The following TTLL9 variants were observed in gnomAD, a reference collection of about 807,000 sequenced individuals.
The protein encoded by TTLL9 is tubulin tyrosine ligase like 9.
A neutral mutation model predicts 65.6 loss-of-function variants in TTLL9; 47 were observed. The ratio of observed to expected loss-of-function variants is 0.72; its 90% confidence interval spans 0.57 to 0.91. The LOEUF is 0.91. Among genes scored for constraint, TTLL9 ranks in the 40% least tolerant of loss-of-function variants. The pLI is 0.00. For synonymous variants in TTLL9, 179 were observed against 204.8 expected, an observed-to-expected ratio of 0.87 and a Z score of 1.07; for missense variants, 537 against 568.8, an observed-to-expected ratio of 0.94 and a Z score of 0.57.
chr20:31,941,679 C>A (rs2064213323), intron 14 of TTLL9, among the ~76,000 whole-genome samples: 1 of 152,150 alleles, frequency 6.6e-6, no homozygotes, highest in Non-Finnish European at 1.5e-5. Context: ...CCTCCTACCT[C>A]AGCCTCCTGA....
chr20:31,873,791 A>AG (rs1491192435), intron 2 of TTLL9, among the ~76,000 whole-genome samples: 3 of 118,078 alleles, frequency 2.5e-5, no homozygotes, highest in Non-Finnish European at 3.7e-5. Flanking sequence ...AGAAAAAGAA[A>AG]GAAAGGAAGG....
chr20:31,925,776 G>C, intron 9 of TTLL9: 1 of 1,122,308 alleles, frequency 8.9e-7, no homozygotes, highest in Non-Finnish European at 1.3e-6. Flanking sequence ...AGGGCACTCC[G>C]GGTGGAGGAA....
Position 31,893,291 on chromosome 20 carries a change from CT to C in TTLL9, c.114-5165del, listed in dbSNP as rs34875132. ...TGATGTGAAGTCAGCTGTTCTTTTT[CT>C]TTTTTTTTTTTTTTTTGAGACAGAG... On this transcript the variant is annotated intron_variant, in intron 3 of 14. Coordinates refer to ENST00000535842, the MANE Select transcript of TTLL9 (RefSeq NM_001008409.5). 5.0e-3 allele frequency among the ~76,000 whole-genome samples: 651 copies of C among 130,064 alleles called. 3 individuals carry two copies. The highest frequency in any genetic ancestry group is 0.014 in the African/African-American group (495 of 35,376). 85.3% of individuals were successfully genotyped at this position (130,064 alleles called of 152,430 possible).
At position 31,944,007 on chromosome 20, in the gene TTLL9, G is replaced by T. The variant is rs540566222; in HGVS notation, c.*986G>T. 5.7e-6 allele frequency: 2 copies of T among 350,690 alleles called. No individual in the cohort carries two copies. The highest frequency in any genetic ancestry group is 1.5e-4 in the East Asian group (2 of 13,500). The allele number at this position is 350,690 out of a possible 1,614,324, so 21.7% of individuals were successfully genotyped here. ...AGAGTAGTTTCTCTGGCTGCAAATG[G>T]TTGAATCTGCCTGCCTAGGTCAAGC... On this transcript the variant is annotated 3_prime_UTR_variant, in exon 15 of 15. Transcript: ENST00000535842.
chr20:31,914,551 T>TC (rs1235334705), intron 6 of TTLL9, among the ~76,000 whole-genome samples: 1 of 152,156 alleles, frequency 6.6e-6, no homozygotes, highest in African/African-American at 2.4e-5. Flanking sequence ...TAATCTGGGT[T>TC]CCCCAAGAAA....
intron 4 of TTLL9, among the ~76,000 whole-genome samples, chr20:31,901,834 C>T (rs910267432): frequency 8.5e-5 from 13 of 152,166 alleles, no homozygotes; most frequent in Non-Finnish European, 1.3e-4. Context: ...TACTGGATCA[C>T]GTGGCGGCTC....
chr20:31,937,464 C>T lies in TTLL9; in HGVS notation c.1073C>T (p.Thr358Ile), dbSNP rs767997531. 1.7e-5 allele frequency: 28 copies of T among 1,613,774 alleles called. No individual in the cohort carries two copies. Among genetic ancestry groups the T allele is most frequent in the East Asian group, 1.1e-4 (5 of 44,882 alleles). ...ASSQEDYELK[T>I]CLLEDTLHVV... ...AGCCAGGAAGACTATGAGCTCAAGA[C>T]CTGCCTCCTGGAAGACACCCTGCAT... is the stretch of plus-strand genomic sequence containing the variant. The change falls in exon 13 of 15, where the codon ACC (threonine) becomes ATC (isoleucine). Residue 358 changes from threonine to isoleucine, a missense_variant. Around this residue, in one of 3 missense-constraint regions of TTLL9, gnomAD observed 205 missense variants for 225.9 expected, o/e 0.91. Transcript: ENST00000535842.
intron 3 of TTLL9, among the ~76,000 whole-genome samples, chr20:31,887,870 T>TCTCTTCTCTTCTCTTCTCTTCTC: frequency 6.8e-6 from 1 of 146,990 alleles, no homozygotes; most frequent in East Asian, 2.0e-4. Context: ...TCTCTTCTCT[T>TCTCTTCTCTTCTCTTCTCTTCTC]CTCTTCTCTT....
intron 4 of TTLL9, among the ~76,000 whole-genome samples, chr20:31,904,990 G>T (rs1333048836): frequency 6.6e-6 from 1 of 152,140 alleles, no homozygotes; most frequent in East Asian, 1.9e-4. Context: ...AGAAAAGGCA[G>T]GACTGGGCAT....
intron 10 of TTLL9, among the ~76,000 whole-genome samples, chr20:31,927,817 C>T (rs932712615): frequency 2.6e-5 from 4 of 152,184 alleles, no homozygotes; most frequent in Non-Finnish European, 4.4e-5. Flanking sequence ...ATGCTTTTAG[C>T]CCATTTGCAT....
At chr20:31,908,462 C>T in intron 4 of TTLL9, 129 bp from the exon 5 acceptor site, 1 of 648,804 alleles carries the variant, frequency 1.5e-6, no homozygotes, top group Non-Finnish European at 2.8e-6. Flanking sequence ...ATGGCCACCT[C>T]CAAGAGACTC....
intron 10 of TTLL9, among the ~76,000 whole-genome samples, chr20:31,928,281 C>A (rs1393394004): frequency 1.3e-5 from 2 of 151,734 alleles, no homozygotes; most frequent in African/African-American, 4.8e-5. Context: ...ATTTTCCACC[C>A]CTTCTTTTAT....
chr20:31,911,474 T>C (rs969423691), intron 6 of TTLL9, among the ~76,000 whole-genome samples: 1 of 152,112 alleles, frequency 6.6e-6, no homozygotes, highest in Admixed American at 6.5e-5. Flanking sequence ...GAAACTGACA[T>C]GGGGCTGACA....
At chr20:31,933,368 GGTT>G (rs1187578384) in intron 10 of TTLL9, among the ~76,000 whole-genome samples, 2 of 151,730 alleles carry the variant, frequency 1.3e-5, no homozygotes, top group Non-Finnish European at 2.9e-5. Flanking sequence ...GTCCTGAGAT[GGTT>G]GTTCTGTATT....
intron 10 of TTLL9, among the ~76,000 whole-genome samples, chr20:31,930,832 T>G (rs962091189): frequency 7.9e-5 from 12 of 152,212 alleles, no homozygotes; most frequent in Admixed American, 1.3e-4. Context: ...TGACCATTGG[T>G]CCACTGAGAC....
In TTLL9 at chr20:31,893,534, G is replaced by A. The variant is rs528195968; in HGVS notation, c.114-4939G>A. Among the ~76,000 whole-genome samples the A allele has an allele frequency of 5.9e-5, 9 of 151,930 alleles. No individual in the cohort carries two copies. In the South Asian group the frequency reaches 1.0e-3, roughly 18 times the overall value. ...TTGAACTCCTGGCCTCAGGTGATCC[G>A]CTTGCCTCAGCCTCCCAAAGTTCTG... On this transcript the variant is annotated intron_variant, in intron 3 of 14. Coordinates refer to ENST00000535842, the MANE Select transcript of TTLL9 (RefSeq NM_001008409.5).
intron 6 of TTLL9, 78 bp from the exon 7 acceptor site, chr20:31,919,786 G>A: frequency 2.0e-5 from 24 of 1,207,788 alleles, no homozygotes; most frequent in Non-Finnish European, 2.8e-5. Flanking sequence ...GATATGCTGG[G>A]GAGAGCCCCC....
chr20:31,943,672 A>G lies in TTLL9; in HGVS notation c.*651A>G, dbSNP rs1181623150. 1 of 452,780 alleles carries G rather than the reference A, an allele frequency of 2.2e-6. No homozygotes were observed. Among genetic ancestry groups the G allele is most frequent in the African/African-American group, 2.0e-5 (1 of 49,950 alleles). 28.0% of individuals were successfully genotyped at this position (452,780 alleles called of 1,614,324 possible). A position where few individuals can be genotyped will look rare whatever the true frequency, so the allele number is the denominator to read the frequency against. ...GGGACAGGGCATCCCCATTTCTCAG[A>G]TGGACAAGACAGACCAGGGAGGCAG... On this transcript the variant is annotated 3_prime_UTR_variant, in exon 15 of 15. Transcript: ENST00000535842.
At chr20:31,892,882 G>A (rs897872261) in intron 3 of TTLL9, among the ~76,000 whole-genome samples, 2 of 152,072 alleles carry the variant, frequency 1.3e-5, no homozygotes, top group African/African-American at 2.4e-5. Context: ...GATCGTTTGT[G>A]CTGCTATTTT....
Sources: allele counts gnomAD v4.1 joint callset (sites outside exome capture counted in the v4.1 genomes callset), GRCh38; gene constraint gnomAD v4.1.1; regional missense constraint gnomAD v4.1.1; transcripts MANE v1.5; gene names NCBI Gene and HGNC (gene_info 2026-07-23, HGNC 2026-07-21).